The following TTC6 variants were observed in gnomAD, a reference collection of about 807,000 sequenced individuals.
TTC6 encodes tetratricopeptide repeat domain 6.
In TTC6, 172 loss-of-function variants were observed where a neutral mutation model predicts 210.4. The observed-to-expected ratio is 0.82, with a 90% CI of 0.72 to 0.93. TTC6 has a LOEUF of 0.93. TTC6 is among the 40% of genes least tolerant of loss of function. The pLI is 0.00. For synonymous variants in TTC6, 804 were observed against 819.6 expected, an observed-to-expected ratio of 0.98 and a Z score of 0.32; for missense variants, 2,414 against 2,318.1, an observed-to-expected ratio of 1.04 and a Z score of -0.85.
intron 23 of TTC6, 61 bp from the exon 26 acceptor site, chr14:37,808,672 A>G (rs1224180850): frequency 1.2e-6 from 1 of 830,042 alleles, no homozygotes; most frequent in Non-Finnish European, 1.9e-6. Flanking sequence ...AATTTATTTT[A>G]TGATTAAATT....
At chr14:37,799,475 T>C (rs1270458004) in intron 20 of TTC6, among the ~76,000 whole-genome samples, 1 of 152,120 alleles carries the variant, frequency 6.6e-6, no homozygotes. Context: ...AAGGTGACCC[T>C]CAACAAGTTA....
At chr14:37,644,198 C>T (rs1420320803) in intron 1 of TTC6, among the ~76,000 whole-genome samples, 1 of 152,004 alleles carries the variant, frequency 6.6e-6, no homozygotes, top group African/African-American at 2.4e-5. Context: ...AATCAGAAAA[C>T]CCAAAGTAAT....
At chr14:37,772,878 A>T (rs1451207863) in intron 14 of TTC6, among the ~76,000 whole-genome samples, 1 of 152,182 alleles carries the variant, frequency 6.6e-6, no homozygotes, top group Non-Finnish European at 1.5e-5. Flanking sequence ...CCCCACTAGC[A>T]GTCTATAAGC....
exon 7 of TTC6, chr14:37,724,938 C>G: frequency 5.2e-6 from 8 of 1,529,346 alleles, no homozygotes; most frequent in African/African-American, 1.4e-5. Context: ...TTTTGGAATA[C>G]AGCTGCACCT....
Position 37,606,744 on chromosome 14 carries a change from TATG to T in TTC6, c.-155+6_-155+8del, listed in dbSNP as rs2095625916. 2.0e-6 allele frequency: 2 copies of T among 985,192 alleles called. No individual in the cohort carries two copies. The highest frequency in any genetic ancestry group is 2.4e-6 in the Non-Finnish European group (2 of 829,892). 61.0% of individuals were successfully genotyped at this position (985,192 alleles called of 1,614,324 possible). A position where few individuals can be genotyped will look rare whatever the true frequency, so the allele number is the denominator to read the frequency against. ...GGAACAAGGATTCATGGAAGTGAGG[TATG>T]ATGTCTTCAGTTCTTTCCAGTTCAT... On this transcript the variant is annotated splice_donor_5th_base_variant and intron_variant, in intron 2 of 2. Coordinates refer to the TTC6 transcript ENST00000556845.
intron 29 of TTC6, among the ~76,000 whole-genome samples, chr14:37,840,149 A>T (rs1238587768): frequency 6.6e-6 from 1 of 152,212 alleles, no homozygotes. Flanking sequence ...AAAAAATGAT[A>T]AAGGGGATAA....
intron 17 of TTC6, 55 bp downstream of exon 19, chr14:37,792,469 ATTTG>A (rs2096082246): frequency 1.5e-6 from 2 of 1,354,684 alleles, no homozygotes; most frequent in Non-Finnish European, 1.9e-6. Context: ...TTTTCTGGAT[ATTTG>A]TTCAACATAA....
At chr14:37,632,708 C>G (rs2095672212) in intron 1 of TTC6, among the ~76,000 whole-genome samples, 1 of 152,190 alleles carries the variant, frequency 6.6e-6, no homozygotes, top group Non-Finnish European at 1.5e-5. Flanking sequence ...TCTGCTCAAG[C>G]TGCACCCCCA....
At position 37,805,661 on chromosome 14, in the gene TTC6, A is replaced by G. The variant is rs563835205; in HGVS notation, c.4165-700A>G. On this transcript the variant is annotated intron_variant, in intron 21 of 30. Transcript: ENST00000553443. Reference sequence around the variant, plus strand: ...CAGCTTTGCTTTAAAATGCGGGGAAAAATTTTAGAGTTCTATTGTTCTGAA... The same window carrying G: ...CAGCTTTGCTTTAAAATGCGGGGAAGAATTTTAGAGTTCTATTGTTCTGAA... 6.6e-5 allele frequency among the ~76,000 whole-genome samples: 10 copies of G among 152,182 alleles called. No homozygotes were observed. In the South Asian group the frequency reaches 1.9e-3, roughly 28 times the overall value.
intron 8 of TTC6, among the ~76,000 whole-genome samples, chr14:37,736,847 C>G (rs543928779): frequency 1.3e-5 from 2 of 152,064 alleles, no homozygotes; most frequent in African/African-American, 4.8e-5. Flanking sequence ...CTGGACCTCC[C>G]GGGCTCAAGT....
At chr14:37,776,803 T>A (rs2096039023) in intron 14 of TTC6, among the ~76,000 whole-genome samples, 1 of 149,396 alleles carries the variant, frequency 6.7e-6, no homozygotes, top group Non-Finnish European at 1.5e-5. Context: ...GAGAATCACT[T>A]AAATCTGGGT....
At position 37,668,485 on chromosome 14, in the gene TTC6, A is replaced by C. The variant is rs1595082580; in HGVS notation, c.940-11666A>C. ...CATGCAATTTTATCCCCCTGGAACT[A>C]GTGGATTGACTAGGCATGCACTTCT... is the stretch of plus-strand genomic sequence containing the variant. On this transcript the variant is annotated intron_variant, in intron 1 of 30. Transcript: ENST00000553443. Among the ~76,000 whole-genome samples, 2 of 150,514 alleles carry C rather than the reference A, an allele frequency of 1.3e-5. 1 individual carries two copies. Among genetic ancestry groups the C allele is most frequent in the South Asian group, 4.3e-4 (2 of 4,692 alleles).
chr14:37,696,751 A>T, exon 4 of TTC6: 1 of 1,471,404 alleles, frequency 6.8e-7, no homozygotes, highest in Non-Finnish European at 9.0e-7. Flanking sequence ...ATCGAAGGAA[A>T]AGAAATTAAG....
intron 1 of TTC6, among the ~76,000 whole-genome samples, chr14:37,670,822 A>T (rs547744314): frequency 1.7e-4 from 26 of 152,262 alleles, no homozygotes; most frequent in African/African-American, 6.0e-4. Flanking sequence ...TCTTTTAAAA[A>T]GGCTAAGAAA....
rs139186308 is a variant in TTC6 at position 37,756,817 on chromosome 14, T to A, written c.3266+3582T>A. On this transcript the variant is annotated intron_variant, in intron 14 of 30. Coordinates refer to ENST00000553443, the Ensembl canonical transcript of TTC6. ...ATTGACCTGAAATTTTCTTTTTTTT[T>A]GTTGTGTCTCTACCAGGTTTTGGTA... Among the ~76,000 whole-genome samples, 1,366 of 152,260 alleles carry A rather than the reference T, an allele frequency of 9.0e-3. 14 individuals carry two copies. The highest frequency in any genetic ancestry group is 0.012 in the Non-Finnish European group (785 of 68,006).
At chr14:37,741,087 C>A (rs1323773189) in intron 10 of TTC6, among the ~76,000 whole-genome samples, 1 of 151,934 alleles carries the variant, frequency 6.6e-6, no homozygotes, top group African/African-American at 2.4e-5. Flanking sequence ...ATAGGATGAA[C>A]CTTTTGGTGG....
chr14:37,770,248 AT>A (rs2096013578), intron 14 of TTC6, among the ~76,000 whole-genome samples: 1 of 152,068 alleles, frequency 6.6e-6, no homozygotes, highest in Non-Finnish European at 1.5e-5. Flanking sequence ...TGGAATAGGT[AT>A]GGTGTGGTGC....
chr14:37,770,276 T>C (rs1456153068), intron 14 of TTC6, among the ~76,000 whole-genome samples: 3 of 152,292 alleles, frequency 2.0e-5, no homozygotes, highest in African/African-American at 7.2e-5. Flanking sequence ...AAATGTATAT[T>C]CTGTTGATTT....
chr14:37,780,525 T>G (rs1236381737), intron 14 of TTC6, among the ~76,000 whole-genome samples: 2 of 152,234 alleles, frequency 1.3e-5, no homozygotes, highest in Admixed American at 6.5e-5. Flanking sequence ...CCTGTGTTAG[T>G]TTGCTGAGGA....
Sources: gnomAD v4.1 joint callset for allele counts (sites outside exome capture counted in the v4.1 genomes callset) on GRCh38, gnomAD v4.1.1 for gene constraint, MANE v1.5 for transcripts, NCBI Gene and HGNC (gene_info 2026-07-23, HGNC 2026-07-21) for gene names.